The following PI4KB variants were observed in gnomAD, a reference collection of about 807,000 sequenced individuals.
The protein encoded by PI4KB is phosphatidylinositol 4-kinase beta.
Under a neutral mutation model 81.4 loss-of-function variants are expected in PI4KB, and 23 were observed. The ratio of observed to expected loss-of-function variants is 0.28; its 90% CI spans 0.20 to 0.40. The LOEUF (loss-of-function observed/expected upper bound fraction) is 0.40, where lower values mean the gene tolerates loss of function less well. Among genes scored for constraint, PI4KB ranks in the 10% least tolerant of loss-of-function variants. The probability of loss-of-function intolerance (pLI) is 1.00; values close to 1 mark genes in which losing one functional copy is unlikely to be tolerated. For missense variants in PI4KB, 651 were observed against 1,036.6 expected, an observed-to-expected ratio of 0.63 and a Z score of 5.11; for synonymous variants, 381 against 406.8, an observed-to-expected ratio of 0.94 and a Z score of 0.76.
At chr1:151,304,764 T>C (rs371889735) in intron 5 of PI4KB, among the ~76,000 whole-genome samples, 16 of 151,498 alleles carry the variant, frequency 1.1e-4, no homozygotes, top group African/African-American at 3.6e-4. Flanking sequence ...CAAGTGATTC[T>C]TGTGCTTCAA....
chr1:151,327,455 G>C (rs3790410), upstream of PI4KB: 496 of 397,316 alleles, frequency 1.2e-3, 5 homozygotes, highest in East Asian at 0.017. Context: ...GGGCCTTCAG[G>C]CTGCCACAAG....
upstream of PI4KB, chr1:151,327,511 A>T: frequency 2.5e-6 from 1 of 395,496 alleles, no homozygotes; most frequent in Non-Finnish European, 4.5e-6. Flanking sequence ...AGTACAACCA[A>T]GACCAAAAAA....
chr1:151,313,211 G>C (rs1486688416), intron 2 of PI4KB, among the ~76,000 whole-genome samples: 1 of 152,104 alleles, frequency 6.6e-6, no homozygotes. Context: ...AATGAATTCA[G>C]GTATTTCATT....
At position 151,315,954 on chromosome 1, in the gene PI4KB, C is replaced by G. The variant is rs370787419; in HGVS notation, c.528G>C (p.Leu176=). The part of the protein sequence containing the change: ...CFRNEDVDFY[L]PQLLNMYIHM... ...GGATGTACATGTTAAGCAACTGGGG[C>G]AGATAGAAGTCCACGTCCTCGTTGC... is the stretch of plus-strand genomic sequence containing the variant. Residue 176 remains leucine, a synonymous_variant, in exon 2 of 12, where the codon CTG becomes CTC. Coordinates refer to ENST00000368873, the MANE Select transcript of PI4KB (RefSeq NM_001369623.2). 117 of 1,612,796 alleles carry G rather than the reference C, an allele frequency of 7.3e-5. No individual in the cohort carries two copies. The highest frequency in any genetic ancestry group is 9.4e-5 in the Non-Finnish European group (111 of 1,179,140).
At chr1:151,317,604 C>T (rs1161452560) in intron 1 of PI4KB, among the ~76,000 whole-genome samples, 7 of 152,320 alleles carry the variant, frequency 4.6e-5, no homozygotes, top group South Asian at 4.1e-4. Flanking sequence ...GCATGAGCCA[C>T]CATGCCTGGT....
At chr1:151,317,498 C>G (rs1648142974) in intron 1 of PI4KB, among the ~76,000 whole-genome samples, 1 of 151,674 alleles carries the variant, frequency 6.6e-6, no homozygotes, top group South Asian at 2.1e-4. Flanking sequence ...TTAAATTTTT[C>G]TGTAGAGACA....
chr1:151,308,286 C>T (rs1695951852), intron 3 of PI4KB, among the ~76,000 whole-genome samples: 1 of 152,250 alleles, frequency 6.6e-6, no homozygotes, highest in African/African-American at 2.4e-5. Flanking sequence ...GGGAGCCCCA[C>T]ATCATTTCCA....
chr1:151,302,769 G>A (rs941216735), intron 6 of PI4KB, among the ~76,000 whole-genome samples: 4 of 150,716 alleles, frequency 2.7e-5, no homozygotes, highest in African/African-American at 9.8e-5. Flanking sequence ...TTTTTTGGTA[G>A]AGATGGGGTT....
intron 1 of PI4KB, 90 bp from the exon 2 acceptor site, chr1:151,316,599 T>C (rs1464597236): frequency 1.2e-6 from 1 of 862,314 alleles, no homozygotes; most frequent in Non-Finnish European, 1.7e-6. Context: ...CCCTTTGCTA[T>C]GACACCTTCC....
upstream of PI4KB, chr1:151,327,557 G>A: frequency 2.5e-6 from 1 of 392,200 alleles, no homozygotes; most frequent in Non-Finnish European, 4.5e-6. Flanking sequence ...AGCAGGTCTC[G>A]ATGTAGTATT....
chr1:151,315,963 G>A lies in PI4KB; in HGVS notation c.519C>T (p.Asp173=). The part of the protein sequence containing the change: ...RLFCFRNEDV[D]FYLPQLLNMY... ...TGTTAAGCAACTGGGGCAGATAGAAGTCCACGTCCTCGTTGCGAAAGCAGA... is the reference window on the plus strand; with the variant it reads ...TGTTAAGCAACTGGGGCAGATAGAAATCCACGTCCTCGTTGCGAAAGCAGA... The change falls in exon 2 of 12, where the codon GAC becomes GAT. Residue 173 remains aspartate, a synonymous_variant. Coordinates refer to ENST00000368873, the MANE Select transcript of PI4KB (RefSeq NM_001369623.2). 2 of 1,613,102 alleles carry A rather than the reference G, an allele frequency of 1.2e-6. No individual in the cohort carries two copies. The highest frequency in any genetic ancestry group is 1.7e-6 in the Non-Finnish European group (2 of 1,179,168).
At chr1:151,295,716 C>T (rs1202536386) in intron 9 of PI4KB, among the ~76,000 whole-genome samples, 3 of 152,156 alleles carry the variant, frequency 2.0e-5, no homozygotes, top group Non-Finnish European at 2.9e-5. Flanking sequence ...TTTTGAGGTA[C>T]TATGAACGGC....
At chr1:151,310,058 C>G (rs745946050) in intron 3 of PI4KB, among the ~76,000 whole-genome samples, 153 bp downstream of exon 3, 2 of 152,136 alleles carry the variant, frequency 1.3e-5, no homozygotes, top group African/African-American at 2.4e-5. Flanking sequence ...TCCAGCAGAT[C>G]TGGGAGGTCT....
intron 6 of PI4KB, among the ~76,000 whole-genome samples, chr1:151,302,577 CT>C (rs144203698): frequency 2.8e-3 from 371 of 133,768 alleles, no homozygotes; most frequent in South Asian, 3.8e-3. Context: ...CTTTTCTTTT[CT>C]TTTTTTTTTT....
intron 1 of PI4KB, among the ~76,000 whole-genome samples, chr1:151,320,395 C>T (rs910542311): frequency 2.6e-5 from 4 of 152,212 alleles, no homozygotes; most frequent in African/African-American, 9.6e-5. Flanking sequence ...GCAGTCACCA[C>T]TAAAGTTTTG....
At chr1:151,316,915 C>T (rs922321823) in intron 1 of PI4KB, among the ~76,000 whole-genome samples, 5 of 151,752 alleles carry the variant, frequency 3.3e-5, no homozygotes, top group Admixed American at 6.6e-5. Context: ...TTCCGCCTCC[C>T]GGGTTCACAC....
At chr1:151,305,995 A>G in intron 5 of PI4KB, 141 bp downstream of exon 5, 1 of 629,194 alleles carries the variant, frequency 1.6e-6, no homozygotes, top group Non-Finnish European at 2.8e-6. Context: ...AGCTTTCCCC[A>G]TATTACCCCT....
In PI4KB at chr1:151,296,480, T is replaced by C. The variant is rs188235125; in HGVS notation, c.2016-1939A>G. Reference sequence around the variant, plus strand: ...CTTAATAGATGCTAGATTTCTTTTTTTTTTTTTTGAGATGAAGTCTCACTC... The same window carrying C: ...CTTAATAGATGCTAGATTTCTTTTTCTTTTTTTTGAGATGAAGTCTCACTC... On this transcript the variant is annotated intron_variant, in intron 9 of 11. Coordinates refer to ENST00000368873, the MANE Select transcript of PI4KB (RefSeq NM_001369623.2). Among the ~76,000 whole-genome samples the C allele has an allele frequency of 2.7e-4, 41 of 152,164 alleles. 1 individual carries two copies. The highest frequency in any genetic ancestry group is 2.4e-3 in the Admixed American group (37 of 15,286).
At chr1:151,325,992 C>T (rs1186084483) in intron 1 of PI4KB, among the ~76,000 whole-genome samples, 1 of 152,100 alleles carries the variant, frequency 6.6e-6, no homozygotes, top group Admixed American at 6.6e-5. Context: ...GTTCCTTTTT[C>T]CAGTTATACC....
Sources: gnomAD v4.1 joint callset for allele counts (sites outside exome capture counted in the v4.1 genomes callset) on GRCh38, gnomAD v4.1.1 for gene constraint, MANE v1.5 for transcripts, NCBI Gene and HGNC (gene_info 2026-07-23, HGNC 2026-07-21) for gene names.